Variants in PRKAA1 observed in about 807,000 individuals in gnomAD.
PRKAA1 encodes protein kinase AMP-activated catalytic subunit alpha 1, also known as 5'-AMP-activated protein kinase catalytic subunit alpha-1.
PRKAA1 carries 23 observed loss-of-function variants against 56.9 expected under a neutral mutation model. That is an observed-to-expected ratio of 0.40 (90% confidence interval 0.29 to 0.57). The LOEUF (loss-of-function observed/expected upper bound fraction) is 0.57. Among genes scored for constraint, PRKAA1 ranks in the 20% least tolerant of loss-of-function variants. The pLI, the probability that PRKAA1 is intolerant of heterozygous loss-of-function variation, is 0.39. For synonymous variants in PRKAA1, 226 were observed against 227.0 expected (o/e 1.00, Z 0.04); for missense variants, 413 against 679.7 (o/e 0.61, Z 4.36).
chr5:40,769,599 A>G, intron 4 of PRKAA1, 96 bp from the exon 5 acceptor site: 1 of 1,011,658 alleles, frequency 9.9e-7, no homozygotes, highest in Non-Finnish European at 1.5e-6. Context: ...TAAAATGATA[A>G]ATCATCATTT....
Position 40,765,188 on chromosome 5 carries a change from T to C in PRKAA1, c.872A>G (p.Asp291Gly). 6.2e-7 allele frequency: 1 copy of C among 1,613,888 alleles called. No individual in the cohort carries two copies. The highest frequency in any genetic ancestry group is 8.5e-7 in the Non-Finnish European group (1 of 1,179,820). ...AATCATGGTTGAACTATATGATGGA[T>C]CCTCAGGAAAGAGATATTTTGGAAG... ...QDLPKYLFPE[D>G]PSYSSTMIDD... The change falls in exon 7 of 9, where the codon GAT becomes GGT. Residue 291 changes from aspartate to glycine, a missense_variant. Asp to Gly is a moderately conservative substitution (Grantham distance 94). Coordinates refer to ENST00000397128, the MANE Select transcript of PRKAA1 (RefSeq NM_006251.6).
chr5:40,780,102 A>G (rs1434749640), intron 1 of PRKAA1, among the ~76,000 whole-genome samples: 2 of 152,178 alleles, frequency 1.3e-5, no homozygotes, highest in Admixed American at 6.5e-5. Flanking sequence ...ATGATCTTCA[A>G]AACATTCACT....
At chr5:40,766,094 A>G (rs1743420242) in intron 6 of PRKAA1, among the ~76,000 whole-genome samples, 1 of 152,248 alleles carries the variant, frequency 6.6e-6, no homozygotes, top group Non-Finnish European at 1.5e-5. Flanking sequence ...TAGGTAAAAT[A>G]CAAACAAAAA....
At chr5:40,767,422 C>A in intron 6 of PRKAA1, 44 bp downstream of exon 6, 1 of 1,489,948 alleles carries the variant, frequency 6.7e-7, no homozygotes, top group South Asian at 1.2e-5. Flanking sequence ...TAACTTTTAT[C>A]ATGGATACTA....
At chr5:40,775,320 C>A in intron 3 of PRKAA1, 90 bp downstream of exon 3, 1 of 932,364 alleles carries the variant, frequency 1.1e-6, no homozygotes, top group Non-Finnish European at 1.7e-6. Context: ...ATTAAATAGA[C>A]CTCTTAAAAT....
intron 1 of PRKAA1, among the ~76,000 whole-genome samples, chr5:40,790,521 CTT>C (rs1744671314): frequency 1.3e-5 from 1 of 77,502 alleles, no homozygotes; most frequent in Non-Finnish European, 2.9e-5. Context: ...GGAGTCAACT[CTT>C]TCTTTTTTTT....
chr5:40,778,351 G>C lies in PRKAA1; in HGVS notation c.128-765C>G, dbSNP rs78616770. 4.4e-3 allele frequency among the ~76,000 whole-genome samples: 668 copies of C among 152,280 alleles called. 1 individual carries two copies. The highest frequency in any genetic ancestry group is 7.0e-3 in the Non-Finnish European group (477 of 68,026). On this transcript the variant is annotated intron_variant, in intron 1 of 8. Transcript: ENST00000397128. ...ATATAAGTTATTTTCTCTTTTGCCA[G>C]ATTCATCCCAAATGTTCAGATGTTT...
At chr5:40,774,948 T>G (rs1003193017) in intron 3 of PRKAA1, 1 of 1,605,430 alleles carries the variant, frequency 6.2e-7, no homozygotes, top group Admixed American at 1.7e-5. Context: ...GAGCCTGTTT[T>G]TACTACTCCA....
intron 1 of PRKAA1, among the ~76,000 whole-genome samples, chr5:40,793,650 C>T (rs572123287): frequency 7.9e-5 from 12 of 152,166 alleles, no homozygotes; most frequent in Non-Finnish European, 1.3e-4. Flanking sequence ...AGAATTCTTG[C>T]ATAATTAAGG....
chr5:40,765,679 A>G lies in PRKAA1; in HGVS notation c.822-441T>C, dbSNP rs1743395985. On this transcript the variant is annotated intron_variant, in intron 6 of 8. Coordinates refer to ENST00000397128, the MANE Select transcript of PRKAA1 (RefSeq NM_006251.6). Reference sequence around the variant, plus strand: ...GTTTTATGCTAAACACTTCATATACACTATCTCCCCTCATCATCGAAACAA... The same window carrying G: ...GTTTTATGCTAAACACTTCATATACGCTATCTCCCCTCATCATCGAAACAA... Among the ~76,000 whole-genome samples, 3 of 152,180 alleles carry G rather than the reference A, an allele frequency of 2.0e-5. No homozygotes were observed. In the South Asian group the frequency reaches 6.2e-4, roughly 31 times the overall value.
intron 1 of PRKAA1, among the ~76,000 whole-genome samples, chr5:40,790,738 C>G (rs1744685897): frequency 6.6e-6 from 1 of 152,118 alleles, no homozygotes; most frequent in Non-Finnish European, 1.5e-5. Flanking sequence ...TGGGGTTTCA[C>G]CATGTTGGCC....
chr5:40,786,021 G>A (rs1470681898), intron 1 of PRKAA1, among the ~76,000 whole-genome samples: 3 of 152,162 alleles, frequency 2.0e-5, no homozygotes, highest in African/African-American at 7.2e-5. Flanking sequence ...TTGGGAGGCC[G>A]AGGCGGGGAG....
In PRKAA1 at chr5:40,798,056, T is replaced by C; in HGVS notation, c.127+7A>G. Reference sequence around the variant, plus strand: ...TGGGGCCAAGCCTAGTCCCGCGGGGTTCTCACCCTTCACTTTGCCGAAGGT... The same window carrying C: ...TGGGGCCAAGCCTAGTCCCGCGGGGCTCTCACCCTTCACTTTGCCGAAGGT... On this transcript the variant is annotated splice_region_variant and intron_variant, in intron 1 of 8. Transcript: ENST00000397128. 1.2e-6 allele frequency: 2 copies of C among 1,606,320 alleles called. No homozygotes were observed. The highest frequency in any genetic ancestry group is 1.7e-6 in the Non-Finnish European group (2 of 1,176,006).
intron 1 of PRKAA1, among the ~76,000 whole-genome samples, chr5:40,782,974 G>T (rs1273029733): frequency 6.6e-6 from 1 of 152,076 alleles, no homozygotes; most frequent in Non-Finnish European, 1.5e-5. Flanking sequence ...TTTAAAGTAT[G>T]GTGGTATAAC....
At chr5:40,767,786 T>G in intron 5 of PRKAA1, 96 bp from the exon 6 acceptor site, 1 of 1,061,892 alleles carries the variant, frequency 9.4e-7, no homozygotes, top group South Asian at 1.6e-5. Flanking sequence ...AAAGAATTCT[T>G]AAGCAGAATA....
At chr5:40,790,391 C>T (rs1239282992) in intron 1 of PRKAA1, among the ~76,000 whole-genome samples, 1 of 152,218 alleles carries the variant, frequency 6.6e-6, no homozygotes, top group African/African-American at 2.4e-5. Flanking sequence ...TATACCCTCA[C>T]ACAGTGACAG....
intron 1 of PRKAA1, among the ~76,000 whole-genome samples, chr5:40,793,462 C>T (rs1412392055): frequency 1.3e-5 from 2 of 152,184 alleles, no homozygotes; most frequent in African/African-American, 4.8e-5. Context: ...GCCTACTCTC[C>T]CCGCAAAATT....
rs966248874 is a variant in PRKAA1 at position 40,763,114 on chromosome 5, G to A, written c.1436-92C>T. ...TGAATTTGCTTCTTTAAGTGGGGCT[G>A]CTGGCCAGCTATCAAGAGCACGCTT... On this transcript the variant is annotated intron_variant, in intron 8 of 8. Transcript: ENST00000397128. 9.2e-6 allele frequency: 12 copies of A among 1,304,012 alleles called. No individual in the cohort carries two copies. The African/African-American group carries it at 1.8e-4, about 19-fold the overall frequency. The allele number at this position is 1,304,012 out of a possible 1,614,324, so 80.8% of individuals were successfully genotyped here. A position where few individuals can be genotyped will look rare whatever the true frequency, so the allele number is the denominator to read the frequency against.
chr5:40,764,310 A>G, intron 8 of PRKAA1: 1 of 469,188 alleles, frequency 2.1e-6, no homozygotes, highest in Non-Finnish European at 3.6e-6. Context: ...CAAGATGATA[A>G]TCTTAAAAGG....
Sources: allele counts gnomAD v4.1 joint callset (sites outside exome capture counted in the v4.1 genomes callset), GRCh38; gene constraint gnomAD v4.1.1; transcripts MANE v1.5; gene names NCBI Gene and HGNC (gene_info 2026-07-23, HGNC 2026-07-21).